The following ZSWIM6 variants were observed in gnomAD, a reference collection of about 807,000 sequenced individuals.
The protein encoded by ZSWIM6 is zinc finger SWIM-type containing 6.
ZSWIM6 carries 9 observed loss-of-function variants against 113.2 expected under a neutral mutation model. The observed-to-expected ratio is 0.08, with a 90% CI of 0.05 to 0.14. The LOEUF is 0.14. Among genes scored for constraint, ZSWIM6 ranks in the 10% least tolerant of loss-of-function variants. The probability of loss-of-function intolerance (pLI) is 1.00; values close to 1 mark genes in which losing one functional copy is unlikely to be tolerated. For synonymous variants in ZSWIM6, 611 were observed against 606.5 expected (o/e 1.01, Z -0.11); for missense variants, 1,162 against 1,552.2 (o/e 0.75, Z 4.22).
intron 1 of ZSWIM6, among the ~76,000 whole-genome samples, chr5:61,427,878 T>C (rs1746494546): frequency 6.6e-6 from 1 of 152,172 alleles, no homozygotes; most frequent in Non-Finnish European, 1.5e-5. Flanking sequence ...ATAAAACAAC[T>C]CAAAAAAATC....
At chr5:61,350,054 A>G (rs144780460) in intron 1 of ZSWIM6, among the ~76,000 whole-genome samples, 1 of 152,342 alleles carries the variant, frequency 6.6e-6, no homozygotes, top group East Asian at 1.9e-4. Context: ...CTCAATTTGC[A>G]TAACATGGGG....
intron 1 of ZSWIM6, among the ~76,000 whole-genome samples, chr5:61,336,604 C>A: frequency 6.6e-6 from 1 of 151,836 alleles, no homozygotes; most frequent in Non-Finnish European, 1.5e-5. Flanking sequence ...CCAAAAAATA[C>A]AAAAATTAGG....
At chr5:61,401,831 A>G (rs907173137) in intron 1 of ZSWIM6, among the ~76,000 whole-genome samples, 6 of 152,202 alleles carry the variant, frequency 3.9e-5, no homozygotes, top group Non-Finnish European at 7.3e-5. Flanking sequence ...AAATGTTTTC[A>G]AAATAATATC....
At chr5:61,451,512 A>G (rs1349249083) in intron 1 of ZSWIM6, among the ~76,000 whole-genome samples, 2 of 152,182 alleles carry the variant, frequency 1.3e-5, no homozygotes, top group African/African-American at 4.8e-5. Flanking sequence ...GGGAGGCAAG[A>G]GTATTCATGA....
At chr5:61,496,153 C>G (rs1395106256) in intron 4 of ZSWIM6, among the ~76,000 whole-genome samples, 1 of 151,914 alleles carries the variant, frequency 6.6e-6, no homozygotes, top group East Asian at 1.9e-4. Context: ...CTAGTTATGC[C>G]CTCTTATGGA....
At chr5:61,432,644 G>A (rs978378328) in intron 1 of ZSWIM6, among the ~76,000 whole-genome samples, 1 of 152,190 alleles carries the variant, frequency 6.6e-6, no homozygotes, top group Non-Finnish European at 1.5e-5. Context: ...CCTGTTTGTT[G>A]TGAGGCACCT....
In ZSWIM6 at chr5:61,543,775, T is replaced by C; in HGVS notation, c.3106T>C (p.Tyr1036His). The change falls in exon 14 of 14, where the codon TAC becomes CAC. Residue 1036 changes from tyrosine to histidine, a missense_variant. Physicochemically the swap from Tyr to His is moderately conservative, Grantham distance 83. This residue lies in a region of ZSWIM6 where 620 missense variants were observed against 804.6 expected (regional missense o/e 0.77). Transcript: ENST00000252744. The surrounding 1 kb of genome is among the most constrained non-coding windows in gnomAD (Gnocchi z 4.3). ...SYTQLFTIAR[Y>H]MEHRGYPMRA... ...TACACAGCTCTTTACAATAGCACGG[T>C]ACATGGAGCACCGCGGGTACCCCAT... The C allele has an allele frequency of 6.4e-7, 1 of 1,551,816 alleles. No homozygotes were observed. The highest frequency in any genetic ancestry group is 8.7e-7 in the Non-Finnish European group (1 of 1,147,024).
At position 61,543,372 on chromosome 5, in the gene ZSWIM6, A is replaced by G. The variant is rs967296776; in HGVS notation, c.2786-83A>G. The G allele has an allele frequency of 1.6e-5, 23 of 1,447,612 alleles. 1 individual carries two copies. The highest frequency in any genetic ancestry group is 2.3e-4 in the Middle Eastern group (1 of 4,286). The allele number at this position is 1,447,612 out of a possible 1,614,324, so 89.7% of individuals were successfully genotyped here. On this transcript the variant is annotated intron_variant, in intron 13 of 13. Transcript: ENST00000252744. This position sits in a 1 kb window ranked among gnomAD's most constrained non-coding sequence, Gnocchi z 4.3. ...TGTCCTATGATGGTTAACAATGTAAACACTGGTTGTAAAAGTCAAAATAAG... is the reference window on the plus strand; with the variant it reads ...TGTCCTATGATGGTTAACAATGTAAGCACTGGTTGTAAAAGTCAAAATAAG...
intron 1 of ZSWIM6, among the ~76,000 whole-genome samples, chr5:61,389,211 C>A (rs1321967327): frequency 1.3e-5 from 2 of 152,110 alleles, no homozygotes; most frequent in East Asian, 3.9e-4. Context: ...CATGGTACCA[C>A]ATTTGTATCC....
chr5:61,447,997 G>A (rs149588905), intron 1 of ZSWIM6, among the ~76,000 whole-genome samples: 25 of 152,138 alleles, frequency 1.6e-4, no homozygotes, highest in Admixed American at 3.9e-4. Context: ...ATGGGTGAGG[G>A]GTCTGGTGTC....
At chr5:61,430,299 C>T (rs980111666) in intron 1 of ZSWIM6, among the ~76,000 whole-genome samples, 1 of 151,952 alleles carries the variant, frequency 6.6e-6, no homozygotes, top group Admixed American at 6.6e-5. Flanking sequence ...AATGATTTTC[C>T]ATTTTGGAGT....
chr5:61,363,377 T>A (rs989227827), intron 1 of ZSWIM6, among the ~76,000 whole-genome samples: 1 of 152,230 alleles, frequency 6.6e-6, no homozygotes, highest in East Asian at 1.9e-4. Context: ...TAGTGACATA[T>A]AGAACCAGTT....
At chr5:61,375,479 A>G (rs1745354779) in intron 1 of ZSWIM6, 2 of 1,552,760 alleles carry the variant, frequency 1.3e-6, no homozygotes, top group Non-Finnish European at 1.7e-6. Flanking sequence ...GATTCTGAAG[A>G]TGAGGATAAG....
At chr5:61,507,183 C>A (rs777889364) in intron 4 of ZSWIM6, among the ~76,000 whole-genome samples, 5 of 152,042 alleles carry the variant, frequency 3.3e-5, no homozygotes, top group Non-Finnish European at 7.4e-5. Context: ...ATGGAGAAGA[C>A]CAATATTTGT....
At chr5:61,358,390 T>C (rs1744964500) in intron 1 of ZSWIM6, among the ~76,000 whole-genome samples, 1 of 152,212 alleles carries the variant, frequency 6.6e-6, no homozygotes, top group Admixed American at 6.5e-5. Flanking sequence ...TGAAGCAGTA[T>C]TGTTTTAAAG....
chr5:61,407,118 CAT>C (rs149473613), intron 1 of ZSWIM6, among the ~76,000 whole-genome samples: 21,449 of 152,160 alleles, frequency 0.14, 1,615 homozygotes, highest in Non-Finnish European at 0.17. Context: ...CCATGGAAAA[CAT>C]ATCTTACTTT....
rs150386468 is a variant in ZSWIM6, at chr5:61,515,089, G to A, written c.1334-6174G>A. Among the ~76,000 whole-genome samples the A allele has an allele frequency of 1.7e-4, 26 of 152,254 alleles. No individual in the cohort carries two copies. In the East Asian group the frequency reaches 2.9e-3, roughly 17 times the overall value. On this transcript the variant is annotated intron_variant, in intron 4 of 13. Transcript: ENST00000252744. ...CCTCTTGAGTGAGCTCTGGTAGTTT[G>A]TGACTTTCAAGGAATTTTTTCATTT...
intron 1 of ZSWIM6, among the ~76,000 whole-genome samples, chr5:61,431,425 C>CT (rs1325930298): frequency 1.8e-4 from 24 of 135,508 alleles, no homozygotes; most frequent in Admixed American, 4.5e-4. Flanking sequence ...AAATCGTGAT[C>CT]TTTTTTTTCT....
rs528020839 is a variant in ZSWIM6 at position 61,332,354 on chromosome 5, A to AGCG, written c.98_100dup (p.Gly33dup). The AGCG allele has an allele frequency of 0.12, 119,655 of 1,004,548 alleles. 7,053 individuals carry two copies. The highest frequency in any genetic ancestry group is 0.18 in the Admixed American group (3,039 of 16,956). 62.2% of individuals were successfully genotyped at this position (1,004,548 alleles called of 1,614,324 possible). On this transcript the variant is annotated inframe_insertion, in exon 1 of 14. Transcript: ENST00000252744. ...CGGCGGCGGCGGCGGCGGGGGCAGC[A>AGCG]GCGGCGGCGGCGGCGGCGCGGGTGG...
Sources: gnomAD v4.1 joint callset for allele counts (sites outside exome capture counted in the v4.1 genomes callset) on GRCh38, gnomAD v4.1.1 for gene constraint, gnomAD v4.1.1 regional missense constraint, Gnocchi (gnomAD v3.1) non-coding constraint, MANE v1.5 for transcripts, NCBI Gene and HGNC (gene_info 2026-07-23, HGNC 2026-07-21) for gene names.